Variants in GPR83 observed in about 807,000 individuals in gnomAD.
GPR83 encodes the protein G protein-coupled receptor 83.
A neutral mutation model predicts 28.0 loss-of-function variants in GPR83; 23 were observed. The observed-to-expected ratio is 0.82, with a 90% confidence interval of 0.59 to 1.16. GPR83 has a LOEUF of 1.16. GPR83 is among the 50% of genes most tolerant of loss of function. GPR83 has a pLI of 0.00. For missense variants in GPR83, 610 were observed against 536.6 expected (o/e 1.14, Z -1.35); for synonymous variants, 234 against 215.4 (o/e 1.09, Z -0.76).
At chr11:94,381,558 A>AGTGTGTGTGTGTGT (rs56180709) in intron 3 of GPR83, among the ~76,000 whole-genome samples, 6,281 of 147,982 alleles carry the variant, frequency 0.042, 206 homozygotes, top group Admixed American at 0.1. Context: ...GGAGTGAGTG[A>AGTGTGTGTGTGTGT]GTGTGTGTGT....
At chr11:94,394,986 T>C (rs1306460008) in intron 2 of GPR83, among the ~76,000 whole-genome samples, 1 of 152,164 alleles carries the variant, frequency 6.6e-6, no homozygotes, top group African/African-American at 2.4e-5. Context: ...CTAGTTAAAT[T>C]AAGGGAGATG....
In GPR83 at chr11:94,380,765, A is replaced by T; in HGVS notation, c.656T>A (p.Ile219Asn). 1 of 1,608,154 alleles carries T rather than the reference A, an allele frequency of 6.2e-7. No individual in the cohort carries two copies. The change falls in exon 4 of 4, where the codon ATT becomes AAT. Residue 219 changes from isoleucine to asparagine, a missense_variant. By Grantham distance (149) the Ile-to-Asn change is moderately radical (BLOSUM62 -3). Coordinates refer to ENST00000243673, the MANE Select transcript of GPR83 (RefSeq NM_016540.4). ...GTCTGGCAGGCAGAGGGAGCGCACA[A>T]TGTCCTCACTGGGGGCAGGAAGTGG... The part of the protein sequence containing the change: ...KLFTFKYSED[I>N]VRSLCLPDFP...
At chr11:94,382,510 C>T (rs1473876305) in intron 3 of GPR83, among the ~76,000 whole-genome samples, 1 of 152,110 alleles carries the variant, frequency 6.6e-6, no homozygotes, top group Non-Finnish European at 1.5e-5. Context: ...GCACCCAATA[C>T]AGGAGCACCC....
At chr11:94,380,922 T>A (rs1944680566) in intron 3 of GPR83, 149 bp from the exon 4 acceptor site, 1 of 656,088 alleles carries the variant, frequency 1.5e-6, no homozygotes, top group Non-Finnish European at 2.6e-6. Flanking sequence ...GTAGCCTAAT[T>A]ATCTGATTAC....
intron 3 of GPR83, among the ~76,000 whole-genome samples, chr11:94,386,959 G>A (rs905724780): frequency 2.6e-5 from 4 of 152,248 alleles, no homozygotes; most frequent in South Asian, 2.1e-4. Context: ...TAAAAGAACA[G>A]AAATTATAAC....
In GPR83 at chr11:94,378,938, A is replaced by G. The variant is rs1944649957; in HGVS notation, c.*1211T>C. 1 of 152,102 alleles carries G rather than the reference A, an allele frequency of 6.6e-6. No individual in the cohort carries two copies. The highest frequency in any genetic ancestry group is 6.6e-5 in the Admixed American group (1 of 15,250). The allele number at this position is 152,102 out of a possible 1,614,324, so 9.4% of individuals were successfully genotyped here. The stretch of plus-strand genomic sequence containing the variant: ...CCAGGCCCTTCCCACCACTGTCTAC[A>G]ATAGGGGGCAGTTCTGTCTGCGTGG... On this transcript the variant is annotated 3_prime_UTR_variant, in exon 4 of 4. Transcript: ENST00000243673.
At chr11:94,392,551 G>A (rs1257880062) in intron 3 of GPR83, among the ~76,000 whole-genome samples, 3 of 152,134 alleles carry the variant, frequency 2.0e-5, no homozygotes, top group Non-Finnish European at 2.9e-5. Context: ...GGGGCCAGGC[G>A]TGGTGGCTCA....
chr11:94,381,849 G>A (rs118049864), intron 3 of GPR83, among the ~76,000 whole-genome samples: 2,371 of 152,254 alleles, frequency 0.016, 23 homozygotes, highest in Middle Eastern at 0.034. Context: ...CTCAAGGTGA[G>A]GCAAACTCTG....
chr11:94,380,587 C>G lies in GPR83; in HGVS notation c.834G>C (p.Glu278Asp). The G allele has an allele frequency of 1.2e-6, 2 of 1,614,148 alleles. No homozygotes were observed. Among genetic ancestry groups the G allele is most frequent in the Non-Finnish European group, 1.7e-6 (2 of 1,180,016 alleles). The change falls in exon 4 of 4, where the codon GAG (glutamate) becomes GAC (aspartate). Residue 278 changes from glutamate (E) to aspartate (D), a missense_variant. By Grantham distance (45) the Glu-to-Asp change is conservative. Transcript: ENST00000243673. ...TTTTGCGCCGCAGGGCAAAGTACTGCTCTGTGGTCACATCGCCAATCATAT... is the reference window on the plus strand; with the variant it reads ...TTTTGCGCCGCAGGGCAAAGTACTGGTCTGTGGTCACATCGCCAATCATAT... ...LCNMIGDVTT[E>D]QYFALRRKKK...
chr11:94,400,781 C>G (rs1944903621), intron 1 of GPR83, 80 bp downstream of exon 1: 1 of 1,332,026 alleles, frequency 7.5e-7, no homozygotes, highest in South Asian at 1.3e-5. Flanking sequence ...AGACGCAGAA[C>G]GGCAGAGGGA....
Position 94,379,355 on chromosome 11 carries a change from A to G in GPR83, c.*794T>C, listed in dbSNP as rs1418479921. On this transcript the variant is annotated 3_prime_UTR_variant, in exon 4 of 4. Coordinates refer to ENST00000243673, the MANE Select transcript of GPR83 (RefSeq NM_016540.4). The stretch of plus-strand genomic sequence containing the variant: ...CACTGAACTCCAACCTGGGTGACAG[A>G]GCGAGATTCCATCTCAAAAAAAAAA... 6.9e-6 allele frequency: 1 copy of G among 145,076 alleles called. No homozygotes were observed. Among genetic ancestry groups the G allele is most frequent in the African/African-American group, 2.6e-5 (1 of 38,940 alleles). The allele number at this position is 145,076 out of a possible 1,614,324, so 9.0% of individuals were successfully genotyped here. A position where few individuals can be genotyped will look rare whatever the true frequency, so the allele number is the denominator to read the frequency against.
At chr11:94,386,606 C>G (rs944295861) in intron 3 of GPR83, among the ~76,000 whole-genome samples, 1 of 152,156 alleles carries the variant, frequency 6.6e-6, no homozygotes, top group South Asian at 2.1e-4. Flanking sequence ...GTAAAGGGAT[C>G]AATTCAAAAA....
intron 3 of GPR83, among the ~76,000 whole-genome samples, chr11:94,391,610 T>G (rs987845549): frequency 2.6e-5 from 4 of 152,064 alleles, no homozygotes; most frequent in Non-Finnish European, 5.9e-5. Context: ...ACAAAGAACT[T>G]AAACAAATTT....
rs1023407591 is a variant in GPR83 at position 94,401,207 on chromosome 11, A to T, written c.41T>A (p.Val14Glu). 1.2e-6 allele frequency: 2 copies of T among 1,612,404 alleles called. No homozygotes were observed. The highest frequency in any genetic ancestry group is 1.7e-6 in the Non-Finnish European group (2 of 1,179,476). Residue 14 changes from valine to glutamate, a missense_variant, in exon 1 of 4, where the codon GTG becomes GAG. Physicochemically the swap from Val to Glu is moderately radical, Grantham distance 121. Transcript: ENST00000243673. ...GCCCTCGTGGGGCTCGGTGGCTCGC[A>T]CCAAGGGGAGGAGACAGAGCAGCAA... The part of the protein sequence containing the change: ...HLLLLCLLPL[V>E]RATEPHEGRA...
In GPR83 at chr11:94,400,850, G is replaced by A. The variant is rs752259037; in HGVS notation, c.387+11C>T. 44 of 1,611,142 alleles carry A rather than the reference G, an allele frequency of 2.7e-5. No individual in the cohort carries two copies. The highest frequency in any genetic ancestry group is 3.6e-5 in the Non-Finnish European group (42 of 1,177,820). On this transcript the variant is annotated intron_variant, in intron 1 of 3. Coordinates refer to ENST00000243673, the MANE Select transcript of GPR83 (RefSeq NM_016540.4). Reference sequence around the variant, plus strand: ...GACAGAAGGTGGGGCGGCAGGCAGCGGGCCCCTTACCAAAGTGAAGGGGGT... The same window carrying A: ...GACAGAAGGTGGGGCGGCAGGCAGCAGGCCCCTTACCAAAGTGAAGGGGGT...
At chr11:94,393,125 G>C (rs75582470) in intron 3 of GPR83, among the ~76,000 whole-genome samples, 1 of 152,188 alleles carries the variant, frequency 6.6e-6, no homozygotes, top group Non-Finnish European at 1.5e-5. Flanking sequence ...GATTTTGTTT[G>C]TAGATAGTGT....
chr11:94,380,885 T>C (rs1591599936), intron 3 of GPR83, 112 bp from the exon 4 acceptor site: 3 of 863,812 alleles, frequency 3.5e-6, no homozygotes, highest in Admixed American at 2.7e-5. Context: ...TCCTGGTACA[T>C]CCATCTAATA....
chr11:94,387,670 A>G (rs2134688291), intron 3 of GPR83, among the ~76,000 whole-genome samples: 1 of 152,330 alleles, frequency 6.6e-6, no homozygotes, highest in African/African-American at 2.4e-5. Context: ...AGGCTCTGAA[A>G]TGGAGGCAAT....
chr11:94,385,939 A>C (rs190397092), intron 3 of GPR83, among the ~76,000 whole-genome samples: 57 of 152,362 alleles, frequency 3.7e-4, no homozygotes, highest in African/African-American at 1.4e-3. Flanking sequence ...TGTTAAGGGC[A>C]GTCAGAGAGA....
Sources: allele counts gnomAD v4.1 joint callset (sites outside exome capture counted in the v4.1 genomes callset), GRCh38; gene constraint gnomAD v4.1.1; transcripts MANE v1.5; gene names NCBI Gene and HGNC (gene_info 2026-07-23, HGNC 2026-07-21).